The following MTF2 variants were observed in gnomAD, a reference collection of about 807,000 sequenced individuals.
MTF2 encodes the protein metal-response element-binding transcription factor 2.
MTF2 carries 11 observed loss-of-function variants against 79.5 expected under a neutral mutation model. That is an observed-to-expected ratio of 0.14 (90% CI 0.09 to 0.23). MTF2 has a LOEUF of 0.23. MTF2 is among the 10% of genes least tolerant of loss of function. MTF2 has a pLI of 1.00. For missense variants in MTF2, 486 were observed against 711.2 expected (o/e 0.68, Z 3.60); for synonymous variants, 208 against 232.8 (o/e 0.89, Z 0.97).
intron 12 of MTF2, 32 bp from the exon 13 acceptor site, chr1:93,133,896 A>C (rs1414344533): frequency 3.2e-6 from 5 of 1,541,674 alleles, no homozygotes; most frequent in Middle Eastern, 1.7e-4. Context: ...TACTTTAGAG[A>C]CATGCTTTAA....
chr1:93,129,523 T>A, intron 11 of MTF2, 75 bp downstream of exon 11: 4 of 1,231,430 alleles, frequency 3.2e-6, no homozygotes, highest in African/African-American at 1.5e-5. Context: ...TTAGTCTCCT[T>A]AGTATATTTG....
At chr1:93,133,675 T>C in intron 11 of MTF2, 28 bp from the exon 12 acceptor site, 4 of 1,504,580 alleles carry the variant, frequency 2.7e-6, no homozygotes, top group Non-Finnish European at 3.7e-6. Flanking sequence ...TATGCAGAGA[T>C]TAAATGCATA....
intron 9 of MTF2, among the ~76,000 whole-genome samples, chr1:93,125,404 T>C (rs1054119693): frequency 2.0e-5 from 3 of 151,620 alleles, no homozygotes; most frequent in African/African-American, 4.8e-5. Context: ...TGTGAACTGG[T>C]TAAAATGAAA....
At chr1:93,115,407 A>ATT in intron 5 of MTF2, 63 bp from the exon 6 acceptor site, 1 of 1,287,662 alleles carries the variant, frequency 7.8e-7, no homozygotes. Flanking sequence ...TCGTTTTTAA[A>ATT]GTATAGAATT....
chr1:93,134,088 C>T lies in MTF2; in HGVS notation c.1320-3C>T, dbSNP rs761002865. The T allele has an allele frequency of 3.6e-5, 57 of 1,604,976 alleles. No homozygotes were observed. In the Middle Eastern group the frequency reaches 5.0e-4, roughly 14 times the overall value. ...TTACACAATTTAAATTCTTTTGTCT[C>T]AGGAGAACTGAGGGAACTGCACATT... On this transcript the variant is annotated splice_polypyrimidine_tract_variant and splice_region_variant and intron_variant, in intron 13 of 14. Coordinates refer to ENST00000370298, the MANE Select transcript of MTF2 (RefSeq NM_007358.4).
intron 12 of MTF2, 26 bp from the exon 13 acceptor site, chr1:93,133,902 T>C (rs770664337): frequency 6.5e-7 from 1 of 1,544,844 alleles, no homozygotes; most frequent in Admixed American, 1.8e-5. Flanking sequence ...AGAGACATGC[T>C]TTAAGTATAT....
Position 93,117,529 on chromosome 1 carries a change from T to C in MTF2, c.633-816T>C, listed in dbSNP as rs900198912. ...AAAGCCTTTATACCTGGTAGAGTCT[T>C]AGATTAGATTTATGATAATGTTAAG... On this transcript the variant is annotated intron_variant, in intron 6 of 14. Transcript: ENST00000370298. 3.3e-5 allele frequency among the ~76,000 whole-genome samples: 5 copies of C among 152,380 alleles called. No homozygotes were observed. The South Asian group carries it at 8.3e-4, about 25-fold the overall frequency.
chr1:93,098,284 G>C (rs1003191116), intron 1 of MTF2, among the ~76,000 whole-genome samples: 1 of 152,140 alleles, frequency 6.6e-6, no homozygotes, highest in Non-Finnish European at 1.5e-5. Flanking sequence ...ATGAAGTTTT[G>C]TCTGTCCCTG....
At chr1:93,129,470 A>AGTT in intron 11 of MTF2, 22 bp downstream of exon 11, 1 of 1,463,834 alleles carries the variant, frequency 6.8e-7, no homozygotes, top group South Asian at 1.5e-5. Flanking sequence ...TCTGTGGCTT[A>AGTT]GTTTTTCTCT....
rs1647513162 is a variant in MTF2, at chr1:93,138,840, T to C, written c.*1813T>C. 6.6e-6 allele frequency: 1 copy of C among 152,238 alleles called. No homozygotes were observed. The highest frequency in any genetic ancestry group is 2.4e-5 in the African/African-American group (1 of 41,462). The allele number at this position is 152,238 out of a possible 1,614,324, so 9.4% of individuals were successfully genotyped here. On this transcript the variant is annotated 3_prime_UTR_variant, in exon 15 of 15. Transcript: ENST00000370298. ...ACTCCACCTGTATCATATTATTTCATTTTCCCCAAAGTCCTTTAATTCTAA... is the reference window on the plus strand; with the variant it reads ...ACTCCACCTGTATCATATTATTTCACTTTCCCCAAAGTCCTTTAATTCTAA...
intron 1 of MTF2, among the ~76,000 whole-genome samples, chr1:93,104,806 C>G (rs1314025286): frequency 6.6e-6 from 1 of 151,880 alleles, no homozygotes; most frequent in Admixed American, 6.6e-5. Context: ...CATAATCTTT[C>G]TGCCGTTTAT....
At position 93,102,627 on chromosome 1, in the gene MTF2, G is replaced by C. The variant is rs1655593708; in HGVS notation, c.6-7603G>C. On this transcript the variant is annotated intron_variant, in intron 1 of 14. Coordinates refer to ENST00000370298, the MANE Select transcript of MTF2 (RefSeq NM_007358.4). ...TTGTTAACAAACCTATGAGAAACAT[G>C]CTTTTTTACTACTACTAATAGAGTT... Among the ~76,000 whole-genome samples, 4 of 152,048 alleles carry C rather than the reference G, an allele frequency of 2.6e-5. No individual in the cohort carries two copies. The South Asian group carries it at 8.3e-4, about 32-fold the overall frequency.
Position 93,127,277 on chromosome 1 carries a change from G to A in MTF2, c.967G>A (p.Ala323Thr). Residue 323 changes from alanine (A) to threonine (T), a missense_variant, in exon 10 of 15, where the codon GCA becomes ACA. By Grantham distance (58) the Ala-to-Thr change is moderately conservative (BLOSUM62 0). Transcript: ENST00000370298. Reference sequence around the variant, plus strand: ...TGAAAGATATGAGCATGTTCTGGAGGCATTAAATGATTACAAGACCATGTA... The same window carrying A: ...TGAAAGATATGAGCATGTTCTGGAGACATTAAATGATTACAAGACCATGTA... ...KSERYEHVLEALNDYKTMFMS... is the reference protein window; with the variant it reads ...KSERYEHVLETLNDYKTMFMS... 1.9e-6 allele frequency: 3 copies of A among 1,611,290 alleles called. No individual in the cohort carries two copies. The highest frequency in any genetic ancestry group is 1.7e-6 in the Non-Finnish European group (2 of 1,177,658).
intron 9 of MTF2, among the ~76,000 whole-genome samples, chr1:93,124,661 T>C (rs1237055190): frequency 6.6e-6 from 1 of 152,010 alleles, no homozygotes; most frequent in Non-Finnish European, 1.5e-5. Flanking sequence ...CAAAAATTCC[T>C]TGGGGCTTAG....
intron 9 of MTF2, chr1:93,121,634 C>T: frequency 1.0e-6 from 1 of 973,446 alleles, no homozygotes; most frequent in Non-Finnish European, 1.2e-6. Context: ...GTTTTAAAAT[C>T]TAGGATATTA....
At chr1:93,119,697 T>G (rs1245865231) in intron 8 of MTF2, 1 of 244,426 alleles carries the variant, frequency 4.1e-6, no homozygotes, top group Admixed American at 5.4e-5. Flanking sequence ...TACCATACAG[T>G]AGAAGAGAGA....
intron 1 of MTF2, among the ~76,000 whole-genome samples, chr1:93,097,103 C>T (rs1414064458): frequency 6.6e-6 from 1 of 152,106 alleles, no homozygotes; most frequent in Non-Finnish European, 1.5e-5. Flanking sequence ...AGCCACTGCG[C>T]CTGGCCTAAA....
intron 1 of MTF2, among the ~76,000 whole-genome samples, chr1:93,099,389 A>T (rs1655435433): frequency 6.6e-6 from 1 of 152,122 alleles, no homozygotes; most frequent in Non-Finnish European, 1.5e-5. Context: ...ACACATCATT[A>T]TGAAATTTTA....
rs77119688 is a variant in MTF2 at position 93,092,202 on chromosome 1, G to A, written c.5+12671G>A. ...TGTAATATTTTCTCATATCTCTGAGGATATTAATTGGTTATTGAAACAGTT... is the reference window on the plus strand; with the variant it reads ...TGTAATATTTTCTCATATCTCTGAGAATATTAATTGGTTATTGAAACAGTT... On this transcript the variant is annotated intron_variant, in intron 1 of 14. Transcript: ENST00000370298. 6.6e-4 allele frequency among the ~76,000 whole-genome samples: 100 copies of A among 152,050 alleles called. 1 individual carries two copies. Among genetic ancestry groups the A allele is most frequent in the Non-Finnish European group, 1.2e-3 (81 of 67,964 alleles).
Sources: gnomAD v4.1 joint callset for allele counts (sites outside exome capture counted in the v4.1 genomes callset) on GRCh38, gnomAD v4.1.1 for gene constraint, MANE v1.5 for transcripts, NCBI Gene and HGNC (gene_info 2026-07-23, HGNC 2026-07-21) for gene names.